RBMS3: variants seen among roughly 807,000 people sequenced by gnomAD.
RBMS3 encodes RNA binding motif single stranded interacting protein 3, also known as RNA-binding motif, single-stranded-interacting protein 3.
RBMS3 carries 27 observed loss-of-function variants against 66.8 expected under a neutral mutation model. That is an observed-to-expected ratio of 0.40 (90% CI 0.30 to 0.56). The LOEUF (loss-of-function observed/expected upper bound fraction) is 0.56, where lower values mean the gene tolerates loss of function less well. RBMS3 is among the 20% of genes least tolerant of loss of function. The pLI is 0.40. For missense variants in RBMS3, 513 were observed against 549.5 expected (o/e 0.93, Z 0.66); for synonymous variants, 188 against 183.0 (o/e 1.03, Z -0.22).
chr3:29,626,077 G>A (rs192602768), intron 4 of RBMS3, among the ~76,000 whole-genome samples: 3 of 152,216 alleles, frequency 2.0e-5, no homozygotes, highest in African/African-American at 4.8e-5. Context: ...TTAATTACAT[G>A]AGCATTTGAT....
At chr3:29,446,186 C>A (rs1288394845) in intron 2 of RBMS3, among the ~76,000 whole-genome samples, 2 of 152,140 alleles carry the variant, frequency 1.3e-5, no homozygotes, top group African/African-American at 4.8e-5. Flanking sequence ...TGACCACTTA[C>A]TCATTGTGAA....
In RBMS3 at chr3:29,434,874, A is replaced by G; in HGVS notation, c.207A>G (p.Pro69=). The change falls in exon 2 of 15, where the codon CCA becomes CCG. Residue 69 remains proline (P), a synonymous_variant. Transcript: ENST00000383767. ...SKTNLYIRGL[P]PGTTDQDLIK... is the part of the protein sequence containing the mutation. ...CCAACCTGTACATTCGAGGCCTCCC[A>G]CCAGGCACCACTGACCAGGACCTAA... The G allele has an allele frequency of 6.2e-7, 1 of 1,614,068 alleles. No individual in the cohort carries two copies. The highest frequency in any genetic ancestry group is 8.5e-7 in the Non-Finnish European group (1 of 1,179,986).
At chr3:29,443,376 C>G (rs1178541903) in intron 2 of RBMS3, among the ~76,000 whole-genome samples, 1 of 151,828 alleles carries the variant, frequency 6.6e-6, no homozygotes, top group East Asian at 1.9e-4. Flanking sequence ...TAAGTTTTTC[C>G]ATATAATTTG....
intron 6 of RBMS3, among the ~76,000 whole-genome samples, chr3:29,825,652 C>T (rs2058193099): frequency 6.6e-6 from 1 of 152,160 alleles, no homozygotes; most frequent in Non-Finnish European, 1.5e-5. Context: ...CTTCCCCAGC[C>T]ATGTGGAACT....
intron 4 of RBMS3, among the ~76,000 whole-genome samples, chr3:29,588,819 A>T (rs1353601246): frequency 6.6e-6 from 1 of 152,074 alleles, no homozygotes; most frequent in South Asian, 2.1e-4. Context: ...GACTTCCTAT[A>T]CCCACAAAAC....
At chr3:29,756,679 C>T (rs529675601) in intron 5 of RBMS3, among the ~76,000 whole-genome samples, 62 of 152,190 alleles carry the variant, frequency 4.1e-4, no homozygotes, top group African/African-American at 1.5e-3. Flanking sequence ...ACAGCAAAAC[C>T]ATATCACCAA....
chr3:29,871,295 T>C (rs1342922144), intron 7 of RBMS3, among the ~76,000 whole-genome samples: 2 of 152,146 alleles, frequency 1.3e-5, no homozygotes, highest in African/African-American at 4.8e-5. Context: ...ACCTACATTG[T>C]CGGGTTAAGG....
chr3:29,792,590 C>T (rs894588396), intron 6 of RBMS3, among the ~76,000 whole-genome samples: 1 of 152,188 alleles, frequency 6.6e-6, no homozygotes, highest in Admixed American at 6.5e-5. Context: ...GGGCAAGTGA[C>T]TTAACCTCTC....
At chr3:29,837,680 ATAT>A (rs2058555682) in intron 6 of RBMS3, among the ~76,000 whole-genome samples, 1 of 94,330 alleles carries the variant, frequency 1.1e-5, no homozygotes, top group Non-Finnish European at 2.1e-5. Flanking sequence ...ATATATATAT[ATAT>A]ATATATATAT....
intron 11 of RBMS3, among the ~76,000 whole-genome samples, chr3:29,943,060 T>C (rs916460453): frequency 4.0e-5 from 6 of 151,806 alleles, no homozygotes; most frequent in East Asian, 1.9e-4. Context: ...TGCCTTGCAA[T>C]GTTCAAGTTC....
At chr3:29,908,495 CT>C (rs2149626453) in intron 10 of RBMS3, among the ~76,000 whole-genome samples, 1 of 152,232 alleles carries the variant, frequency 6.6e-6, no homozygotes, top group African/African-American at 2.4e-5. Flanking sequence ...CAGTTGCCAA[CT>C]GCCTAATAAG....
intron 3 of RBMS3, among the ~76,000 whole-genome samples, chr3:29,509,429 CA>C (rs971267933): frequency 1.3e-5 from 2 of 151,990 alleles, no homozygotes; most frequent in African/African-American, 4.8e-5. Flanking sequence ...GCAGTTTTTT[CA>C]AATTGATATA....
Position 29,473,635 on chromosome 3 carries a change from G to A in RBMS3, c.249-14806G>A, listed in dbSNP as rs369167688. On this transcript the variant is annotated intron_variant, in intron 2 of 14. Transcript: ENST00000383767. ...TCAGGCATGGCGGGCTGCAGGTCCC[G>A]AGCCCTGCCCCTCGGGGAGGCAGCT... is the stretch of plus-strand genomic sequence containing the variant. 5.3e-5 allele frequency among the ~76,000 whole-genome samples: 8 copies of A among 152,350 alleles called. No individual in the cohort carries two copies. In the East Asian group the frequency reaches 1.4e-3, roughly 26 times the overall value.
chr3:29,697,626 A>T (rs960035554), intron 4 of RBMS3, among the ~76,000 whole-genome samples: 1 of 152,218 alleles, frequency 6.6e-6, no homozygotes, highest in African/African-American at 2.4e-5. Context: ...ATTTTTGAAT[A>T]TTTGCATATA....
At chr3:29,565,105 G>T (rs373535513) in intron 3 of RBMS3, among the ~76,000 whole-genome samples, 2 of 152,068 alleles carry the variant, frequency 1.3e-5, no homozygotes, top group South Asian at 2.1e-4. Flanking sequence ...CTGTTCATCA[G>T]CAAAATAAAC....
intron 10 of RBMS3, among the ~76,000 whole-genome samples, chr3:29,930,109 C>CTTTCTTTCTTTCTTTT (rs71091082): frequency 4.6e-5 from 2 of 43,554 alleles, no homozygotes; most frequent in African/African-American, 6.3e-5. Flanking sequence ...TTCTTTCTTT[C>CTTTCTTTCTTTCTTTT]TTTTTTTTTT....
intron 8 of RBMS3, among the ~76,000 whole-genome samples, chr3:29,886,264 T>A (rs1361327778): frequency 6.6e-6 from 1 of 151,862 alleles, no homozygotes; most frequent in Admixed American, 6.6e-5. Context: ...CAAAAAGTCA[T>A]ATCAAAATAG....
intron 8 of RBMS3, among the ~76,000 whole-genome samples, chr3:29,891,513 T>C (rs901403099): frequency 1.7e-4 from 26 of 151,746 alleles, no homozygotes; most frequent in Middle Eastern, 3.4e-3. Context: ...GTTTTTACTA[T>C]TGCCCTATTG....
intron 10 of RBMS3, among the ~76,000 whole-genome samples, chr3:29,919,946 GATATA>G (rs1351271690): frequency 6.6e-6 from 1 of 152,204 alleles, no homozygotes; most frequent in Non-Finnish European, 1.5e-5. Flanking sequence ...TAATTTGGTA[GATATA>G]ATATGATTTT....
Sources: gnomAD v4.1 joint callset for allele counts (sites outside exome capture counted in the v4.1 genomes callset) on GRCh38, gnomAD v4.1.1 for gene constraint, MANE v1.5 for transcripts, NCBI Gene and HGNC (gene_info 2026-07-23, HGNC 2026-07-21) for gene names.